Variants in MGAT4C observed in about 807,000 individuals in gnomAD.
MGAT4C encodes MGAT4 family member C, also known as alpha-1,3-mannosyl-glycoprotein 4-beta-N-acetylglucosaminyltransferase C.
MGAT4C carries 19 observed loss-of-function variants against 40.1 expected under a neutral mutation model. The ratio of observed to expected loss-of-function variants is 0.47; its 90% confidence interval spans 0.33 to 0.70. The LOEUF is 0.70. Ranked by LOEUF, MGAT4C falls within the 30% of genes least tolerant of loss-of-function variation. The pLI is 0.02. For missense variants in MGAT4C, 491 were observed against 563.2 expected, an observed-to-expected ratio of 0.87 and a Z score of 1.30; for synonymous variants, 181 against 187.1, an observed-to-expected ratio of 0.97 and a Z score of 0.27.
rs1565716224 is a variant in MGAT4C, at chr12:86,376,850, G to GAGAC, written c.-119-42724_-119-42723insGTCT. Among the ~76,000 whole-genome samples the GAGAC allele has an allele frequency of 2.8e-3, 261 of 94,866 alleles. 1 individual carries two copies. Among genetic ancestry groups the GAGAC allele is most frequent in the African/African-American group, 7.7e-3 (251 of 32,574 alleles). The allele number at this position is 94,866 out of a possible 152,430, so 62.2% of individuals were successfully genotyped here. On this transcript the variant is annotated intron_variant, in intron 3 of 7. Coordinates refer to the MGAT4C transcript ENST00000548651. ...AGAGAGAGAGAGAGAGAGACAGAGA[G>GAGAC]AGAGAGAGAGAGAGAGAGGAGAAAA... is the stretch of plus-strand genomic sequence containing the variant.
chr12:86,378,718 G>C (rs138000679), intron 3 of MGAT4C, among the ~76,000 whole-genome samples: 3 of 152,254 alleles, frequency 2.0e-5, no homozygotes, highest in African/African-American at 7.2e-5. Context: ...TGAAGTATAA[G>C]ATTAGCAAGA....
intron 2 of MGAT4C, among the ~76,000 whole-genome samples, chr12:86,558,671 A>G (rs543514411): frequency 6.6e-6 from 1 of 152,196 alleles, no homozygotes; most frequent in South Asian, 2.1e-4. Flanking sequence ...TGAAAGTTAA[A>G]TGACAGTATC....
intron 1 of MGAT4C, among the ~76,000 whole-genome samples, chr12:86,157,936 T>C (rs533052841): frequency 2.2e-4 from 34 of 152,138 alleles, no homozygotes; most frequent in Non-Finnish European, 3.7e-4. Context: ...CCTCTATGAC[T>C]TATACAATTC....
intron 2 of MGAT4C, among the ~76,000 whole-genome samples, chr12:86,587,433 C>G (rs144650396): frequency 6.6e-6 from 1 of 151,584 alleles, no homozygotes; most frequent in African/African-American, 2.4e-5. Context: ...CTTGGCAATG[C>G]GGACTGTTTG....
rs893034895 is a variant in MGAT4C, at chr12:86,746,390, C to A, written c.-261-19149G>T. Among the ~76,000 whole-genome samples the A allele has an allele frequency of 7.3e-5, 11 of 151,620 alleles. 1 individual carries two copies. Among genetic ancestry groups the A allele is most frequent in the African/African-American group, 2.4e-4 (10 of 41,452 alleles). ...TTGGTGATCTGTTATTTATGTTGCT[C>A]AGGAGACCACAAGTATAATTTAAGG... On this transcript the variant is annotated intron_variant, in intron 1 of 7. Coordinates refer to the MGAT4C transcript ENST00000548651.
In MGAT4C at chr12:86,309,531, T is replaced by C. The variant is rs1169921109; in HGVS notation, c.-57+24534A>G. 2.0e-5 allele frequency among the ~76,000 whole-genome samples: 3 copies of C among 152,144 alleles called. No individual in the cohort carries two copies. In the East Asian group the frequency reaches 5.8e-4, roughly 29 times the overall value. The stretch of plus-strand genomic sequence containing the variant: ...ATCAGGAAGCCACTCCAGGAATAAC[T>C]AACCACTCCAAGGTAACAGCCTAAA... On this transcript the variant is annotated intron_variant, in intron 4 of 7. Transcript: ENST00000548651.
chr12:86,250,912 A>T (rs1952246392), intron 1 of MGAT4C, among the ~76,000 whole-genome samples: 1 of 152,044 alleles, frequency 6.6e-6, no homozygotes, highest in Non-Finnish European at 1.5e-5. Context: ...CAGAGTTTTC[A>T]TGTTAGTGAA....
intron 1 of MGAT4C, among the ~76,000 whole-genome samples, chr12:86,134,211 C>G (rs1351857044): frequency 1.3e-5 from 2 of 152,014 alleles, no homozygotes; most frequent in Admixed American, 1.3e-4. Context: ...CAAACAGGAT[C>G]CACAAGTTCC....
intron 1 of MGAT4C, among the ~76,000 whole-genome samples, chr12:86,179,457 C>A (rs1040142042): frequency 2.0e-5 from 3 of 152,074 alleles, no homozygotes; most frequent in African/African-American, 7.2e-5. Flanking sequence ...GAGGTTGGAA[C>A]AGTTTGGAGG....
chr12:86,271,045 CAAG>C (rs1439182517), intron 4 of MGAT4C, among the ~76,000 whole-genome samples: 3 of 151,998 alleles, frequency 2.0e-5, no homozygotes, highest in African/African-American at 7.2e-5. Context: ...AAATATAAGA[CAAG>C]AAAATACAAA....
chr12:86,253,430 A>G (rs1952386383), intron 1 of MGAT4C, among the ~76,000 whole-genome samples: 1 of 151,912 alleles, frequency 6.6e-6, no homozygotes, highest in Non-Finnish European at 1.5e-5. Flanking sequence ...TAGCTCCTCC[A>G]TTTACTGACT....
rs1884152449 is a variant in MGAT4C, at chr12:85,978,174, A to G, written c.*1115T>C. ...ATTGTACCACCTATTTCCAGATGGT[A>G]TAACTTATTATCTGACAGGCATGTA... On this transcript the variant is annotated 3_prime_UTR_variant, in exon 5 of 5. Transcript: ENST00000611864. 1 of 151,664 alleles carries G rather than the reference A, an allele frequency of 6.6e-6. No homozygotes were observed. The highest frequency in any genetic ancestry group is 1.5e-5 in the Non-Finnish European group (1 of 67,684). 9.4% of individuals were successfully genotyped at this position (151,664 alleles called of 1,614,324 possible).
chr12:86,210,991 T>C (rs1694928481), intron 1 of MGAT4C, among the ~76,000 whole-genome samples: 1 of 151,952 alleles, frequency 6.6e-6, no homozygotes, highest in Non-Finnish European at 1.5e-5. Context: ...CAGTGATAAG[T>C]ATATTAGCAC....
At position 86,295,363 on chromosome 12, in the gene MGAT4C, G is replaced by A. The variant is rs962979306; in HGVS notation, c.-57+38702C>T. 3.3e-5 allele frequency among the ~76,000 whole-genome samples: 5 copies of A among 152,128 alleles called. No individual in the cohort carries two copies. In the South Asian group the frequency reaches 8.3e-4, roughly 25 times the overall value. On this transcript the variant is annotated intron_variant, in intron 4 of 7. Coordinates refer to the MGAT4C transcript ENST00000548651. ...TCTCACTGACTTCAAGAAAGAAGCC[G>A]CAGACCCTCGCGGTGAGTGTTACAG...
intron 3 of MGAT4C, among the ~76,000 whole-genome samples, chr12:86,346,150 T>C (rs1955027451): frequency 6.6e-6 from 1 of 152,200 alleles, no homozygotes; most frequent in Non-Finnish European, 1.5e-5. Context: ...CATTATAATA[T>C]GCAGCATCAG....
chr12:86,129,418 G>A (rs1018613352), intron 1 of MGAT4C, among the ~76,000 whole-genome samples: 2 of 152,126 alleles, frequency 1.3e-5, no homozygotes, highest in Non-Finnish European at 2.9e-5. Context: ...CTGGGAAAGG[G>A]AGAAATAAGG....
At chr12:86,402,972 G>A (rs1228277453) in intron 3 of MGAT4C, among the ~76,000 whole-genome samples, 1 of 152,116 alleles carries the variant, frequency 6.6e-6, no homozygotes, top group South Asian at 2.1e-4. Context: ...CTAAACTTCT[G>A]GGTTTAGGTA....
At chr12:86,007,421 G>T (rs1049877133) in intron 2 of MGAT4C, among the ~76,000 whole-genome samples, 24 of 152,084 alleles carry the variant, frequency 1.6e-4, no homozygotes, top group East Asian at 3.9e-4. Context: ...GATATTTCAG[G>T]ATATAAAAAA....
At chr12:86,431,110 T>A (rs1194200991) in intron 3 of MGAT4C, among the ~76,000 whole-genome samples, 1 of 152,124 alleles carries the variant, frequency 6.6e-6, no homozygotes, top group Non-Finnish European at 1.5e-5. Flanking sequence ...CAGGGTGAGT[T>A]AAAAGCATAT....
Sources: gnomAD v4.1 joint callset for allele counts (sites outside exome capture counted in the v4.1 genomes callset) on GRCh38, gnomAD v4.1.1 for gene constraint, MANE v1.5 for transcripts, NCBI Gene and HGNC (gene_info 2026-07-23, HGNC 2026-07-21) for gene names.